ZNF215: variants seen among roughly 807,000 people sequenced by gnomAD.
ZNF215 encodes BWSCR2-associated zinc finger protein 2.
Under a neutral mutation model 27.2 loss-of-function variants are expected in ZNF215, and 24 were observed. The ratio of observed to expected loss-of-function variants is 0.88; its 90% CI spans 0.64 to 1.24. The LOEUF is 1.24. ZNF215 is among the 50% of genes most tolerant of loss of function. The pLI, the probability that ZNF215 is intolerant of heterozygous loss-of-function variation, is 0.00. For missense variants in ZNF215, 675 were observed against 605.7 expected (o/e 1.11, Z -1.20); for synonymous variants, 210 against 204.0 (o/e 1.03, Z -0.25).
At chr11:6,978,049 C>T (rs1055859162) in intron 5 of ZNF215, among the ~76,000 whole-genome samples, 1 of 152,004 alleles carries the variant, frequency 6.6e-6, no homozygotes, top group Non-Finnish European at 1.5e-5. Context: ...CCTCTTTTTT[C>T]TAACTAACAT....
chr11:6,987,307 C>T (rs189413998), downstream of ZNF215, among the ~76,000 whole-genome samples: 72 of 152,162 alleles, frequency 4.7e-4, no homozygotes, highest in Non-Finnish European at 5.7e-4. Context: ...ATTTATACCA[C>T]GGAGCTAAAC....
Position 6,956,406 on chromosome 11 carries a change from C to A in ZNF215, c.1429C>A (p.Leu477Ile), listed in dbSNP as rs1435776757. 3 of 1,614,044 alleles carry A rather than the reference C, an allele frequency of 1.9e-6. No homozygotes were observed. In the Admixed American group the frequency reaches 5.0e-5, roughly 27 times the overall value. The change falls in exon 7 of 7, where the codon CTT becomes ATT. Residue 477 changes from leucine to isoleucine, a missense_variant. Physicochemically the swap from Leu to Ile is conservative, Grantham distance 5. Transcript: ENST00000278319. ...AAAATCCTTCAACCGGAGCTCCTCT[C>A]TTATTCGACACCAAATGATTCACAC... ...CGKSFNRSSS[L>I]IRHQMIHTGE...
intron 5 of ZNF215, among the ~76,000 whole-genome samples, chr11:6,963,443 T>C (rs1169909534): frequency 1.3e-5 from 2 of 152,122 alleles, no homozygotes; most frequent in East Asian, 3.8e-4. Flanking sequence ...ACATATATTC[T>C]ACACTATATA....
At chr11:6,973,522 A>G (rs1414256473) in intron 5 of ZNF215, among the ~76,000 whole-genome samples, 10 of 152,114 alleles carry the variant, frequency 6.6e-5, no homozygotes, top group Admixed American at 6.6e-4. Flanking sequence ...ACCAGTGTAA[A>G]AGTCTTCCTA....
rs12016677 is a variant in ZNF215 at position 6,957,828 on chromosome 11, C to G, written c.*1297C>G. 2,417 of 985,352 alleles carry G rather than the reference C, an allele frequency of 2.5e-3. 53 individuals are homozygous for G. The African/African-American group carries it at 0.038, about 16-fold the overall frequency. 61.0% of individuals were successfully genotyped at this position (985,352 alleles called of 1,614,324 possible). A position where few individuals can be genotyped will look rare whatever the true frequency, so the allele number is the denominator to read the frequency against. On this transcript the variant is annotated 3_prime_UTR_variant, in exon 7 of 7. Transcript: ENST00000278319. Reference sequence around the variant, plus strand: ...AGACATTATGAAGTTATTAAAGTCTCCTATACTCTGTACACCAGAACTGTG... The same window carrying G: ...AGACATTATGAAGTTATTAAAGTCTGCTATACTCTGTACACCAGAACTGTG...
intron 6 of ZNF215, among the ~76,000 whole-genome samples, chr11:6,946,550 C>T (rs1205803996): frequency 6.6e-6 from 1 of 152,160 alleles, no homozygotes; most frequent in African/African-American, 2.4e-5. Flanking sequence ...GGCTTGTGTT[C>T]TCCCATCCCA....
At position 6,956,996 on chromosome 11, in the gene ZNF215, C is replaced by T; in HGVS notation, c.*465C>T. 1.0e-6 allele frequency: 1 copy of T among 987,120 alleles called. No individual in the cohort carries two copies. The highest frequency in any genetic ancestry group is 1.2e-6 in the Non-Finnish European group (1 of 831,078). 61.1% of individuals were successfully genotyped at this position (987,120 alleles called of 1,614,324 possible). A position where few individuals can be genotyped will look rare whatever the true frequency, so the allele number is the denominator to read the frequency against. On this transcript the variant is annotated 3_prime_UTR_variant, in exon 7 of 7. Transcript: ENST00000278319. Reference sequence around the variant, plus strand: ...GAATATAAGAGAATACTTCTAAGGACAGAAATCTCTGAATCAATGGCTAAG... The same window carrying T: ...GAATATAAGAGAATACTTCTAAGGATAGAAATCTCTGAATCAATGGCTAAG...
chr11:6,930,097 CTT>C (rs368895026), intron 2 of ZNF215, among the ~76,000 whole-genome samples: 3 of 140,066 alleles, frequency 2.1e-5, no homozygotes, highest in African/African-American at 2.6e-5. Flanking sequence ...GTTTCAGTTT[CTT>C]TTTTTTTTTT....
downstream of ZNF215, among the ~76,000 whole-genome samples, chr11:6,989,892 C>CT (rs1159498637): frequency 6.6e-6 from 1 of 152,126 alleles, no homozygotes; most frequent in Non-Finnish European, 1.5e-5. Flanking sequence ...TAGGGAGAAC[C>CT]TAATGCTCAG....
chr11:6,954,623 C>T (rs909118330), intron 6 of ZNF215, among the ~76,000 whole-genome samples: 1 of 152,212 alleles, frequency 6.6e-6, no homozygotes, highest in Non-Finnish European at 1.5e-5. Flanking sequence ...CCCGATTTTC[C>T]AGGTGCCATC....
downstream of ZNF215, among the ~76,000 whole-genome samples, chr11:6,990,702 G>A (rs1851105715): frequency 2.6e-5 from 4 of 152,176 alleles, no homozygotes. Flanking sequence ...TATATTAGGT[G>A]GATATTACCT....
chr11:6,964,811 A>G (rs756616487), intron 5 of ZNF215, among the ~76,000 whole-genome samples: 28 of 151,950 alleles, frequency 1.8e-4, no homozygotes, highest in Non-Finnish European at 3.7e-4. Context: ...CATTAAATCT[A>G]AAGATCTTCT....
In ZNF215 at chr11:6,973,796, C is replaced by T. The variant is rs1291768436; in HGVS notation, c.806-10333C>T. On this transcript the variant is annotated intron_variant, in intron 5 of 5. Coordinates refer to the ZNF215 transcript ENST00000529903. ...TCTTTGTGGATTCTGGATATTAGCC[C>T]TTTGTCAGATGAGTAGATTACAAAA... Among the ~76,000 whole-genome samples, 5 of 152,144 alleles carry T rather than the reference C, an allele frequency of 3.3e-5. No homozygotes were observed. In the East Asian group the frequency reaches 7.7e-4, roughly 23 times the overall value.
At chr11:6,984,506 G>T (rs929175726) in exon 6 of ZNF215, 1 of 153,062 alleles carries the variant, frequency 6.5e-6, no homozygotes, top group African/African-American at 2.4e-5. Flanking sequence ...ACACGAAAAT[G>T]TATGCATGAA....
At chr11:6,975,457 AG>A (rs1479675244) in intron 5 of ZNF215, among the ~76,000 whole-genome samples, 1 of 152,002 alleles carries the variant, frequency 6.6e-6, no homozygotes, top group Non-Finnish European at 1.5e-5. Flanking sequence ...ATCCAATAGT[AG>A]GTCATATTAT....
At chr11:6,958,851 G>A (rs896287166), downstream of ZNF215, among the ~76,000 whole-genome samples, 11 of 152,154 alleles carry the variant, frequency 7.2e-5, no homozygotes, top group East Asian at 3.9e-4. Flanking sequence ...GGAAGCATCC[G>A]GAACTGGACG....
Position 6,956,650 on chromosome 11 carries a change from T to G in ZNF215, c.*119T>G. The G allele has an allele frequency of 7.1e-7, 1 of 1,407,588 alleles. No homozygotes were observed. Among genetic ancestry groups the G allele is most frequent in the East Asian group, 2.5e-5 (1 of 39,314 alleles). 87.2% of individuals were successfully genotyped at this position (1,407,588 alleles called of 1,614,324 possible). On this transcript the variant is annotated 3_prime_UTR_variant, in exon 7 of 7. Coordinates refer to ENST00000278319, the MANE Select transcript of ZNF215 (RefSeq NM_013250.4). Reference sequence around the variant, plus strand: ...AAGAAAACATTTGTCAGATTTTTCTTTAAATGATATCACAGAATTAATGTT... The same window carrying G: ...AAGAAAACATTTGTCAGATTTTTCTGTAAATGATATCACAGAATTAATGTT...
intron 3 of ZNF215, among the ~76,000 whole-genome samples, chr11:6,939,222 G>A (rs1255087614): frequency 6.6e-6 from 1 of 152,180 alleles, no homozygotes; most frequent in Non-Finnish European, 1.5e-5. Flanking sequence ...GTTGCTGGAA[G>A]GGGTGTCTGT....
chr11:6,990,229 C>T (rs1027030328), downstream of ZNF215, among the ~76,000 whole-genome samples: 6 of 152,088 alleles, frequency 3.9e-5, no homozygotes, highest in Non-Finnish European at 5.9e-5. Flanking sequence ...TGGATTTCTT[C>T]GTAGCAGTAT....
Sources: gnomAD v4.1 joint callset for allele counts (sites outside exome capture counted in the v4.1 genomes callset) on GRCh38, gnomAD v4.1.1 for gene constraint, MANE v1.5 for transcripts, NCBI Gene and HGNC (gene_info 2026-07-23, HGNC 2026-07-21) for gene names.